Variants in STK38 observed in about 807,000 individuals in gnomAD.
STK38 encodes the protein serine/threonine-protein kinase 38.
In STK38, 26 loss-of-function variants were observed where a neutral mutation model predicts 59.0. The observed-to-expected ratio is 0.44, with a 90% CI of 0.32 to 0.61. The LOEUF (loss-of-function observed/expected upper bound fraction) is 0.61. Ranked by LOEUF, STK38 falls within the 20% of genes least tolerant of loss-of-function variation. STK38 has a pLI of 0.04. For missense variants in STK38, 433 were observed against 566.0 expected (o/e 0.76, Z 2.38); for synonymous variants, 175 against 176.6 (o/e 0.99, Z 0.07).
chr6:36,539,092 T>A (rs560692485), intron 2 of STK38, among the ~76,000 whole-genome samples: 1 of 144,722 alleles, frequency 6.9e-6, no homozygotes, highest in South Asian at 2.2e-4. Flanking sequence ...AATTTTTTTT[T>A]AATTATGAGT....
At chr6:36,515,267 G>C in intron 7 of STK38, 71 bp downstream of exon 7, 1 of 1,548,218 alleles carries the variant, frequency 6.5e-7, no homozygotes. Flanking sequence ...GACCACAGGG[G>C]TGCAGGTGTT....
chr6:36,524,549 C>T, intron 3 of STK38, 86 bp from the exon 4 acceptor site: 1 of 1,407,004 alleles, frequency 7.1e-7, no homozygotes, highest in South Asian at 1.4e-5. Context: ...ACTTACCCAG[C>T]TAGAAAACAG....
intron 1 of STK38, among the ~76,000 whole-genome samples, chr6:36,540,752 G>A (rs915306204): frequency 5.9e-5 from 9 of 151,364 alleles, no homozygotes; most frequent in South Asian, 2.1e-4. Context: ...TCAGTTTCCC[G>A]AGTAGCTGGG....
At chr6:36,513,729 G>C (rs1777171661) in intron 7 of STK38, among the ~76,000 whole-genome samples, 2 of 151,674 alleles carry the variant, frequency 1.3e-5, no homozygotes, top group Admixed American at 6.6e-5. Flanking sequence ...GAAAAAAGCA[G>C]GTGGTGGCTC....
intron 4 of STK38, 53 bp from the exon 5 acceptor site, chr6:36,521,870 T>C: frequency 2.1e-6 from 3 of 1,401,146 alleles, no homozygotes; most frequent in African/African-American, 1.4e-5. Context: ...ACCAACCTAA[T>C]GCTTTCATGT....
At position 36,496,798 on chromosome 6, in the gene STK38, G is replaced by A; in HGVS notation, c.1180C>T (p.Pro394Ser). The change falls in exon 13 of 14, where the codon CCT becomes TCT. Residue 394 changes from proline (P) to serine (S), a missense_variant. Pro to Ser is a moderately conservative substitution (Grantham distance 74, BLOSUM62 -1). Coordinates refer to ENST00000229812, the MANE Select transcript of STK38 (RefSeq NM_007271.4). The stretch of plus-strand genomic sequence containing the variant: ...TTGATTTCAATAGATATTGCAGCAG[G>A]TCTCTCTCTGCCAAGAATACACATG... ...GVDWEHIRER[P>S]AAISIEIKSI... 1 of 1,611,458 alleles carries A rather than the reference G, an allele frequency of 6.2e-7. No homozygotes were observed. The highest frequency in any genetic ancestry group is 2.2e-5 in the East Asian group (1 of 44,758).
intron 11 of STK38, 59 bp from the exon 12 acceptor site, chr6:36,497,934 CTTTCTTT>C: frequency 9.8e-7 from 1 of 1,024,122 alleles, no homozygotes; most frequent in Admixed American, 2.7e-5. Flanking sequence ...AAAAGAAAAA[CTTTCTTT>C]TTTTTTTTTT....
intron 1 of STK38, among the ~76,000 whole-genome samples, chr6:36,545,860 T>C (rs1778043075): frequency 6.6e-6 from 1 of 152,238 alleles, no homozygotes; most frequent in African/African-American, 2.4e-5. Context: ...AAAAGTCAGG[T>C]GTAAGGCCTG....
intron 4 of STK38, 62 bp from the exon 5 acceptor site, chr6:36,521,879 G>A: frequency 1.5e-6 from 2 of 1,326,484 alleles, no homozygotes; most frequent in Non-Finnish European, 2.1e-6. Context: ...ATGCTTTCAT[G>A]TGTTATAGGA....
intron 4 of STK38, among the ~76,000 whole-genome samples, chr6:36,522,947 T>C (rs1777416832): frequency 6.6e-6 from 1 of 152,012 alleles, no homozygotes; most frequent in South Asian, 2.1e-4. Context: ...TTCTCTTTTA[T>C]GTTTTCCAAT....
intron 2 of STK38, among the ~76,000 whole-genome samples, chr6:36,533,591 A>C (rs1777720776): frequency 1.3e-5 from 2 of 152,190 alleles, no homozygotes; most frequent in Admixed American, 1.3e-4. Flanking sequence ...TCTTAGTGTT[A>C]ATCACAATGT....
intron 5 of STK38, among the ~76,000 whole-genome samples, chr6:36,519,247 G>C (rs1777325995): frequency 6.6e-6 from 1 of 152,142 alleles, no homozygotes; most frequent in Non-Finnish European, 1.5e-5. Flanking sequence ...AGGGTGAAAA[G>C]AAACAGTGCT....
chr6:36,543,342 G>A (rs1777986776), intron 1 of STK38, among the ~76,000 whole-genome samples: 1 of 152,220 alleles, frequency 6.6e-6, no homozygotes, highest in Non-Finnish European at 1.5e-5. Context: ...TGGGATTACA[G>A]GCGTGAGCCA....
At chr6:36,530,675 T>A (rs1777645207) in intron 2 of STK38, among the ~76,000 whole-genome samples, 1 of 150,112 alleles carries the variant, frequency 6.7e-6, no homozygotes, top group Admixed American at 6.6e-5. Context: ...CCTTTTTCCT[T>A]TTTTTCTTTT....
At chr6:36,521,893 A>T in intron 4 of STK38, 76 bp from the exon 5 acceptor site, 1 of 1,150,056 alleles carries the variant, frequency 8.7e-7, no homozygotes, top group Non-Finnish European at 1.3e-6. Context: ...TATAGGATGC[A>T]ATAATTAACT....
At chr6:36,504,516 T>C (rs1262000052) in intron 9 of STK38, among the ~76,000 whole-genome samples, 1 of 152,168 alleles carries the variant, frequency 6.6e-6, no homozygotes, top group Non-Finnish European at 1.5e-5. Context: ...TAATTAACAT[T>C]TGGAAGACTG....
chr6:36,514,583 G>T (rs1777202037), intron 7 of STK38, among the ~76,000 whole-genome samples: 2 of 152,138 alleles, frequency 1.3e-5, no homozygotes, highest in African/African-American at 2.4e-5. Context: ...GGGTTATCTA[G>T]CAAGTTAGTT....
intron 1 of STK38, among the ~76,000 whole-genome samples, chr6:36,541,426 A>G (rs1294185959): frequency 6.6e-6 from 1 of 152,230 alleles, no homozygotes; most frequent in African/African-American, 2.4e-5. Flanking sequence ...TGCATACAGT[A>G]CAATTCTTTG....
chr6:36,522,690 T>C (rs1777407458), intron 4 of STK38, among the ~76,000 whole-genome samples: 1 of 151,664 alleles, frequency 6.6e-6, no homozygotes, highest in Non-Finnish European at 1.5e-5. Flanking sequence ...AAACCCCGTC[T>C]ACTAAAAATA....
Sources: gnomAD v4.1 joint callset for allele counts (sites outside exome capture counted in the v4.1 genomes callset) on GRCh38, gnomAD v4.1.1 for gene constraint, MANE v1.5 for transcripts, NCBI Gene and HGNC (gene_info 2026-07-23, HGNC 2026-07-21) for gene names.